The following LRP1B variants were observed in gnomAD, a reference collection of about 807,000 sequenced individuals.
LRP1B encodes the protein LDL receptor related protein 1B.
Under a neutral mutation model 556.6 loss-of-function variants are expected in LRP1B, and 217 were observed. The observed-to-expected ratio is 0.39, with a 90% confidence interval of 0.35 to 0.44. The LOEUF (loss-of-function observed/expected upper bound fraction) is 0.44, where lower values mean the gene tolerates loss of function less well. LRP1B is among the 20% of genes least tolerant of loss of function. LRP1B has a pLI of 1.00. For missense variants in LRP1B, 5,053 were observed against 5,620.8 expected (o/e 0.90, Z 3.23); for synonymous variants, 2,047 against 1,865.8 (o/e 1.10, Z -2.50).
At chr2:140,600,036 T>G (rs1417103733) in intron 42 of LRP1B, among the ~76,000 whole-genome samples, 1 of 152,162 alleles carries the variant, frequency 6.6e-6, no homozygotes, top group African/African-American at 2.4e-5. Flanking sequence ...ATTGAAATAT[T>G]TTATGTGTTT....
chr2:140,482,782 C>G (rs774897475), intron 59 of LRP1B, among the ~76,000 whole-genome samples: 6 of 152,000 alleles, frequency 3.9e-5, no homozygotes, highest in Non-Finnish European at 7.4e-5. Context: ...TCTTCATTCT[C>G]CCTTAAACAA....
intron 6 of LRP1B, among the ~76,000 whole-genome samples, chr2:141,211,426 C>T (rs903786090): frequency 4.6e-5 from 7 of 151,818 alleles, no homozygotes; most frequent in African/African-American, 1.7e-4. Flanking sequence ...TTGAGACCAG[C>T]CTGGCCAACA....
chr2:141,862,500 C>G (rs1698280084), intron 1 of LRP1B, among the ~76,000 whole-genome samples: 1 of 152,184 alleles, frequency 6.6e-6, no homozygotes, highest in African/African-American at 2.4e-5. Context: ...ACCTCCGCCT[C>G]CCAGTTCAAG....
chr2:141,629,875 A>G (rs1167317822), intron 2 of LRP1B, among the ~76,000 whole-genome samples: 1 of 152,152 alleles, frequency 6.6e-6, no homozygotes. Flanking sequence ...CCAGCCAACT[A>G]TTTGATTAAA....
intron 86 of LRP1B, among the ~76,000 whole-genome samples, chr2:140,262,634 A>T (rs1464101172): frequency 1.3e-5 from 2 of 152,118 alleles, no homozygotes; most frequent in African/African-American, 2.4e-5. Flanking sequence ...TGTTGTCAAG[A>T]TAGGAGACTG....
At chr2:140,247,887 T>G (rs1681237798) in intron 86 of LRP1B, among the ~76,000 whole-genome samples, 1 of 151,700 alleles carries the variant, frequency 6.6e-6, no homozygotes, top group African/African-American at 2.4e-5. Flanking sequence ...CAGTTTTAGT[T>G]GTGTTTAAAC....
intron 31 of LRP1B, among the ~76,000 whole-genome samples, chr2:140,827,496 G>A (rs1387616495): frequency 1.3e-5 from 2 of 151,806 alleles, no homozygotes; most frequent in African/African-American, 4.8e-5. Context: ...TGTACTAGAG[G>A]CAACAGCAGA....
At chr2:141,108,343 T>A (rs1700661014) in intron 7 of LRP1B, among the ~76,000 whole-genome samples, 1 of 114,198 alleles carries the variant, frequency 8.8e-6, no homozygotes. Flanking sequence ...TCTTTTTTTT[T>A]TTTTTTTTTT....
intron 10 of LRP1B, 130 bp from the exon 11 acceptor site, chr2:141,049,352 T>C (rs1223043099): frequency 1.5e-6 from 1 of 669,752 alleles, no homozygotes; most frequent in East Asian, 2.6e-5. Context: ...CTCTAAAATA[T>C]GCCAAATGTA....
intron 7 of LRP1B, among the ~76,000 whole-genome samples, chr2:141,132,211 T>A (rs547054646): frequency 3.3e-5 from 5 of 152,008 alleles, no homozygotes; most frequent in Non-Finnish European, 7.4e-5. Flanking sequence ...TGTGGCAGTG[T>A]TGAGGGATGG....
chr2:140,408,644 G>A (rs1684847763), intron 66 of LRP1B, among the ~76,000 whole-genome samples: 2 of 151,782 alleles, frequency 1.3e-5, no homozygotes, highest in Non-Finnish European at 2.9e-5. Context: ...GAAGACTGAG[G>A]GATTGAGTTA....
At chr2:141,130,600 T>C (rs533787349) in intron 7 of LRP1B, among the ~76,000 whole-genome samples, 1 of 152,256 alleles carries the variant, frequency 6.6e-6, no homozygotes, top group East Asian at 1.9e-4. Context: ...GACAGAGTTG[T>C]ACCCGTGTGA....
intron 43 of LRP1B, among the ~76,000 whole-genome samples, chr2:140,581,943 C>T (rs915492068): frequency 3.3e-5 from 5 of 151,982 alleles, no homozygotes; most frequent in African/African-American, 7.2e-5. Context: ...ATATTGTTTC[C>T]GTGTATCCCC....
chr2:142,006,681 G>T (rs925498619), intron 1 of LRP1B, among the ~76,000 whole-genome samples: 8 of 152,118 alleles, frequency 5.3e-5, no homozygotes, highest in African/African-American at 1.9e-4. Context: ...TACAGTTTTT[G>T]AAATTGCTTG....
chr2:141,728,636 C>T (rs150780568), intron 2 of LRP1B, among the ~76,000 whole-genome samples: 9 of 152,080 alleles, frequency 5.9e-5, no homozygotes, highest in Non-Finnish European at 1.0e-4. Flanking sequence ...ACTGGCTATT[C>T]GGAAGCTCAT....
chr2:140,853,342 C>T (rs1383315480), intron 27 of LRP1B, among the ~76,000 whole-genome samples: 2 of 152,110 alleles, frequency 1.3e-5, no homozygotes, highest in Admixed American at 6.5e-5. Flanking sequence ...CATAAAACTA[C>T]CGAGATTTTA....
rs185535121 is a variant in LRP1B, at chr2:141,583,511, G to A, written c.206-102978C>T. Among the ~76,000 whole-genome samples, 66 of 152,160 alleles carry A rather than the reference G, an allele frequency of 4.3e-4. 2 individuals carry two copies. In the South Asian group the frequency reaches 5.2e-3, roughly 12 times the overall value. On this transcript the variant is annotated intron_variant, in intron 2 of 90. Coordinates refer to ENST00000389484, the MANE Select transcript of LRP1B (RefSeq NM_018557.3). ...AGGACCAACCCTCCAAAAATCAGTT[G>A]AGAGTTTGAAAAATAAGACAGAAAT...
rs141772411 is a variant in LRP1B, at chr2:141,014,233, A to G, written c.2191-488T>C. 3.1e-3 allele frequency among the ~76,000 whole-genome samples: 478 copies of G among 152,212 alleles called. 2 individuals carry two copies. Among genetic ancestry groups the G allele is most frequent in the African/African-American group, 0.011 (458 of 41,574 alleles). ...AGGATCCTCCTACTTTAATTGAGCC[A>G]ATGCAAATTGAAGAAATCTTGGATC... On this transcript the variant is annotated intron_variant, in intron 13 of 90. Transcript: ENST00000389484.
In LRP1B at chr2:142,094,652, A is replaced by C. The variant is rs1706294927; in HGVS notation, c.82+35996T>G. ...ATTAATAAAAGATTCAATGAAGCTT[A>C]AAAATGACTTTCTGTCCTGATTTTG... is the stretch of plus-strand genomic sequence containing the variant. On this transcript the variant is annotated intron_variant, in intron 1 of 90. Transcript: ENST00000389484. Among the ~76,000 whole-genome samples, 3 of 152,010 alleles carry C rather than the reference A, an allele frequency of 2.0e-5. No homozygotes were observed. The South Asian group carries it at 6.2e-4, about 31-fold the overall frequency.
Sources: allele counts gnomAD v4.1 joint callset (sites outside exome capture counted in the v4.1 genomes callset), GRCh38; gene constraint gnomAD v4.1.1; transcripts MANE v1.5; gene names NCBI Gene and HGNC (gene_info 2026-07-23, HGNC 2026-07-21).